Variants in WDR44 observed in about 807,000 individuals in gnomAD.
The protein encoded by WDR44 is WD repeat domain 44.
A neutral mutation model predicts 65.7 loss-of-function variants in WDR44; 9 were observed. That is an observed-to-expected ratio of 0.14 (90% CI 0.08 to 0.24). WDR44 has a LOEUF of 0.24. WDR44 is among the 10% of genes least tolerant of loss of function. The pLI is 1.00. For synonymous variants in WDR44, 220 were observed against 235.2 expected (o/e 0.94, Z 0.59); for missense variants, 425 against 670.9 (o/e 0.63, Z 4.05).
intron 12 of WDR44, among the ~76,000 whole-genome samples, chrX:118,417,301 A>G (rs4825579): frequency 0.27 from 29,436 of 110,644 alleles, 3,183 homozygotes; most frequent in African/African-American, 0.39. Flanking sequence ...GCTTTAAAGA[A>G]GTTCTGTTTT....
At position 118,388,024 on chromosome X, in the gene WDR44, T is replaced by C. The variant is rs531050292; in HGVS notation, c.186+610T>C. ...TTCCAGAGGCTAACAAAATGACACA[T>C]TCTCCACCCCAGAGTTTCTCCAGTA... On this transcript the variant is annotated intron_variant, in intron 3 of 19. Transcript: ENST00000254029. Among the ~76,000 whole-genome samples, 84 of 111,631 alleles carry C rather than the reference T, an allele frequency of 7.5e-4. 1 individual carries two copies. The highest frequency in any genetic ancestry group is 2.7e-3 in the African/African-American group (82 of 30,710).
chrX:118,435,294 T>C (rs776553536), intron 13 of WDR44, among the ~76,000 whole-genome samples: 3 of 112,488 alleles, frequency 2.7e-5, no homozygotes, highest in Admixed American at 9.4e-5. Context: ...TTTCTTTTTT[T>C]TGAGACAGAG....
chrX:118,399,362 A>G (rs1044049817), intron 8 of WDR44, among the ~76,000 whole-genome samples: 7 of 112,188 alleles, frequency 6.2e-5, no homozygotes, highest in African/African-American at 2.3e-4. Context: ...CTAAATTGAT[A>G]ATAATTAACT....
intron 12 of WDR44, among the ~76,000 whole-genome samples, chrX:118,424,769 A>G (rs1259566100): frequency 6.3e-5 from 7 of 111,141 alleles, no homozygotes; most frequent in Non-Finnish European, 1.3e-4. Context: ...ATATCCAAGA[A>G]ATCATTGCCA....
At chrX:118,426,243 T>TG (rs1303988120) in intron 12 of WDR44, among the ~76,000 whole-genome samples, 1 of 111,286 alleles carries the variant, frequency 9.0e-6, no homozygotes, top group Non-Finnish European at 1.9e-5. Context: ...GTCTAGATCT[T>TG]GCTTTCAATG....
chrX:118,411,426 CCT>C (rs2057012048), intron 12 of WDR44, among the ~76,000 whole-genome samples: 1 of 111,739 alleles, frequency 8.9e-6, no homozygotes, highest in Non-Finnish European at 1.9e-5. Context: ...CAATTTTAAA[CCT>C]ATAAAGCAGA....
At chrX:118,352,331 TA>T (rs1231509697) in intron 1 of WDR44, among the ~76,000 whole-genome samples, 3 of 15,687 alleles carry the variant, frequency 1.9e-4, no homozygotes, top group African/African-American at 1.6e-3. Context: ...TATATATATA[TA>T]TATATATATA....
chrX:118,360,908 C>T lies in WDR44; in HGVS notation c.77+14328C>T, dbSNP rs1451414037. On this transcript the variant is annotated intron_variant, in intron 1 of 19. Coordinates refer to ENST00000254029, the MANE Select transcript of WDR44 (RefSeq NM_019045.5). ...TTCTAGCTGACTCACTTTGTACTCC[C>T]TCCTTCCATGTCATTGCTCCTTTTT... 2.7e-5 allele frequency among the ~76,000 whole-genome samples: 3 copies of T among 111,807 alleles called. No individual in the cohort carries two copies. The South Asian group carries it at 1.1e-3, about 42-fold the overall frequency.
At chrX:118,390,440 A>C (rs755426083) in intron 3 of WDR44, among the ~76,000 whole-genome samples, 57 of 111,717 alleles carry the variant, frequency 5.1e-4, no homozygotes, top group African/African-American at 1.8e-3. Context: ...AGAGAAAATA[A>C]ATAGAGCTAG....
At chrX:118,347,050 C>T (rs1219667391) in intron 1 of WDR44, among the ~76,000 whole-genome samples, 1 of 112,097 alleles carries the variant, frequency 8.9e-6, no homozygotes, top group Non-Finnish European at 1.9e-5. Flanking sequence ...CTGTAACTCT[C>T]CCCTATTTGC....
At chrX:118,359,982 C>T (rs775552103) in intron 1 of WDR44, among the ~76,000 whole-genome samples, 1 of 111,915 alleles carries the variant, frequency 8.9e-6, no homozygotes, top group East Asian at 2.8e-4. Context: ...TTGGGATGTA[C>T]TAGGAAAATC....
chrX:118,402,285 A>G (rs1408184994), intron 8 of WDR44, among the ~76,000 whole-genome samples: 1 of 106,798 alleles, frequency 9.4e-6, no homozygotes, highest in East Asian at 3.0e-4. Flanking sequence ...AATACAAAAA[A>G]TTAGCTGGGC....
chrX:118,362,271 G>A (rs1475698767), intron 1 of WDR44, among the ~76,000 whole-genome samples: 1 of 112,072 alleles, frequency 8.9e-6, no homozygotes, highest in Non-Finnish European at 1.9e-5. Flanking sequence ...AAGTGACTTT[G>A]TATATGTAAT....
intron 12 of WDR44, among the ~76,000 whole-genome samples, chrX:118,415,416 C>G (rs1310887444): frequency 9.0e-6 from 1 of 111,397 alleles, no homozygotes; most frequent in Admixed American, 9.6e-5. Flanking sequence ...GGGAGGATTC[C>G]CTCTTTTTCT....
intron 2 of WDR44, among the ~76,000 whole-genome samples, chrX:118,382,788 A>G (rs1282326609): frequency 8.9e-6 from 1 of 112,346 alleles, no homozygotes; most frequent in Non-Finnish European, 1.9e-5. Context: ...ATAAGCTACC[A>G]TACCTTTTAA....
At position 118,440,667 on chromosome X, in the gene WDR44, T is replaced by G. The variant is rs1340983604; in HGVS notation, c.1975-701T>G. Among the ~76,000 whole-genome samples the G allele has an allele frequency of 7.2e-5, 8 of 111,656 alleles. No individual in the cohort carries two copies. The Admixed American group carries it at 7.7e-4, about 11-fold the overall frequency. On this transcript the variant is annotated intron_variant, in intron 14 of 19. Transcript: ENST00000254029. ...AATATGTTGAAAAGTGCTACCTACT[T>G]TATCCTGTTTGGAGATTCAAAATGC...
intron 4 of WDR44, among the ~76,000 whole-genome samples, chrX:118,393,624 T>C (rs1255903501): frequency 9.0e-6 from 1 of 111,296 alleles, no homozygotes; most frequent in Non-Finnish European, 1.9e-5. Context: ...AATAACTCTT[T>C]GTGGTGAAAT....
chrX:118,436,074 G>A (rs764352335), intron 13 of WDR44, among the ~76,000 whole-genome samples: 1 of 111,947 alleles, frequency 8.9e-6, no homozygotes, highest in Non-Finnish European at 1.9e-5. Flanking sequence ...ACAGATAGAT[G>A]TTTGTTTCCT....
chrX:118,426,040 A>G (rs1490593980), intron 12 of WDR44, among the ~76,000 whole-genome samples: 2 of 112,517 alleles, frequency 1.8e-5, no homozygotes, highest in African/African-American at 6.4e-5. Context: ...GTGCCGCTGC[A>G]CTCCAGCCTG....
Sources: gnomAD v4.1 joint callset for allele counts (sites outside exome capture counted in the v4.1 genomes callset) on GRCh38, gnomAD v4.1.1 for gene constraint, MANE v1.5 for transcripts, NCBI Gene and HGNC (gene_info 2026-07-23, HGNC 2026-07-21) for gene names.